The following SCUBE1 variants were observed in gnomAD, a reference collection of about 807,000 sequenced individuals.
SCUBE1 encodes the protein signal peptide, CUB domain and EGF like domain containing 1.
A neutral mutation model predicts 124.4 loss-of-function variants in SCUBE1; 59 were observed. The observed-to-expected ratio is 0.47, with a 90% CI of 0.38 to 0.59. The LOEUF (loss-of-function observed/expected upper bound fraction) is 0.59, where lower values mean the gene tolerates loss of function less well. SCUBE1 is among the 20% of genes least tolerant of loss of function. The pLI is 0.00. For synonymous variants in SCUBE1, 545 were observed against 550.9 expected, an observed-to-expected ratio of 0.99 and a Z score of 0.15; for missense variants, 1,150 against 1,371.2, an observed-to-expected ratio of 0.84 and a Z score of 2.55.
chr22:43,283,988 T>C (rs1925029338), intron 4 of SCUBE1, among the ~76,000 whole-genome samples: 1 of 152,226 alleles, frequency 6.6e-6, no homozygotes, highest in Middle Eastern at 3.4e-3. Context: ...CAGAAATGAG[T>C]GGCAATGGCT....
intron 2 of SCUBE1, among the ~76,000 whole-genome samples, chr22:43,329,225 C>G (rs1256755730): frequency 6.6e-6 from 1 of 152,268 alleles, no homozygotes; most frequent in Non-Finnish European, 1.5e-5. Flanking sequence ...GTGCTCCTGC[C>G]TACAGACTGG....
intron 4 of SCUBE1, among the ~76,000 whole-genome samples, chr22:43,285,550 G>A (rs138856884): frequency 1.3e-5 from 2 of 152,312 alleles, no homozygotes; most frequent in East Asian, 3.9e-4. Flanking sequence ...GACAGAGGTG[G>A]CCACTGGGGC....
intron 3 of SCUBE1, among the ~76,000 whole-genome samples, chr22:43,299,466 A>G (rs1925687144): frequency 6.6e-6 from 1 of 152,070 alleles, no homozygotes; most frequent in Admixed American, 6.6e-5. Flanking sequence ...CTTCTGGCAC[A>G]CTCACCACCC....
intron 21 of SCUBE1, among the ~76,000 whole-genome samples, chr22:43,206,591 C>T (rs1011841900): frequency 2.6e-5 from 4 of 151,968 alleles, no homozygotes; most frequent in African/African-American, 9.7e-5. Context: ...GGGCAGGCCG[C>T]CCAGAGTACG....
intron 4 of SCUBE1, among the ~76,000 whole-genome samples, chr22:43,264,023 G>C (rs1209650006): frequency 6.6e-6 from 1 of 152,220 alleles, no homozygotes; most frequent in Admixed American, 6.5e-5. Context: ...GCCGGCAGGG[G>C]TGGAGGCTGA....
At chr22:43,242,695 G>A (rs1923054514) in intron 6 of SCUBE1, among the ~76,000 whole-genome samples, 2 of 152,350 alleles carry the variant, frequency 1.3e-5, no homozygotes, top group South Asian at 4.1e-4. Context: ...TTGTCCCGGG[G>A]AGCTAAAGAC....
intron 4 of SCUBE1, among the ~76,000 whole-genome samples, chr22:43,263,837 T>C (rs1923963490): frequency 6.6e-6 from 1 of 152,210 alleles, no homozygotes; most frequent in Non-Finnish European, 1.5e-5. Context: ...TCAATCAAAT[T>C]GTTGGAATGA....
chr22:43,222,620 A>G lies in SCUBE1; in HGVS notation c.1432+18T>C, dbSNP rs755505770. On this transcript the variant is annotated intron_variant, in intron 12 of 21. Transcript: ENST00000360835. ...AGTCACCCAGTGGCATGCAGCATGG[A>G]CAGGCCGGGGGGGTTACCTGAGCAG... 3 of 1,466,278 alleles carry G rather than the reference A, an allele frequency of 2.0e-6. No individual in the cohort carries two copies. The highest frequency in any genetic ancestry group is 2.7e-6 in the Non-Finnish European group (3 of 1,113,324). 90.8% of individuals were successfully genotyped at this position (1,466,278 alleles called of 1,614,324 possible).
intron 6 of SCUBE1, among the ~76,000 whole-genome samples, chr22:43,257,757 G>A (rs1408109492): frequency 4.6e-5 from 7 of 152,214 alleles, no homozygotes; most frequent in Non-Finnish European, 2.9e-5. Context: ...TTTTCCAGAC[G>A]GCTGTGGGCA....
At chr22:43,251,944 C>T (rs1166687450) in intron 6 of SCUBE1, among the ~76,000 whole-genome samples, 3 of 152,160 alleles carry the variant, frequency 2.0e-5, no homozygotes, top group African/African-American at 7.2e-5. Context: ...GGTCCCGGGG[C>T]CTGAGGTAAG....
rs150315087 is a variant in SCUBE1 at position 43,281,532 on chromosome 22, T to TCC, written c.484+9512_484+9513dup. On this transcript the variant is annotated intron_variant, in intron 4 of 21. Transcript: ENST00000360835. Reference sequence around the variant, plus strand: ...CCTCCTCAGCCACCCTCCTGTCACCTCCCTCAGTCACCCTCCTGTCACCTC... The same window carrying TCC: ...CCTCCTCAGCCACCCTCCTGTCACCTCCCCCTCAGTCACCCTCCTGTCACCTC... Among the ~76,000 whole-genome samples the TCC allele has an allele frequency of 5.1e-3, 274 of 53,832 alleles. 3 individuals are homozygous for TCC. The highest frequency in any genetic ancestry group is 0.023 in the East Asian group (6 of 260). 35.3% of individuals were successfully genotyped at this position (53,832 alleles called of 152,430 possible).
rs547520117 is a variant in SCUBE1 at position 43,234,569 on chromosome 22, G to C, written c.845-2694C>G. On this transcript the variant is annotated intron_variant, in intron 7 of 21. Coordinates refer to ENST00000360835, the MANE Select transcript of SCUBE1 (RefSeq NM_173050.5). This position sits in a 1 kb window ranked among gnomAD's most constrained non-coding sequence, Gnocchi z 4.4. ...CCGGGCTGGTGTAGCTGGCTGCCTG[G>C]GGGTCAGGATGGAGGGAAGCCCCCT... is the stretch of plus-strand genomic sequence containing the variant. 6.6e-6 allele frequency among the ~76,000 whole-genome samples: 1 copy of C among 152,312 alleles called. No individual in the cohort carries two copies. Among genetic ancestry groups the C allele is most frequent in the African/African-American group, 2.4e-5 (1 of 41,566 alleles).
intron 6 of SCUBE1, among the ~76,000 whole-genome samples, chr22:43,246,534 CA>C (rs1282220309): frequency 1.3e-5 from 2 of 152,236 alleles, no homozygotes; most frequent in Admixed American, 1.3e-4. Context: ...GCAGAGCTAT[CA>C]CCTGCCTGCC....
At chr22:43,254,091 C>A (rs996036217) in intron 6 of SCUBE1, among the ~76,000 whole-genome samples, 1 of 152,248 alleles carries the variant, frequency 6.6e-6, no homozygotes, top group Non-Finnish European at 1.5e-5. Context: ...CAGCTCTTCC[C>A]AGGCCAACCC....
At chr22:43,339,308 G>A in intron 1 of SCUBE1, 73 bp from the exon 2 acceptor site, 1 of 1,469,218 alleles carries the variant, frequency 6.8e-7, no homozygotes. Context: ...GTGTAGGGCA[G>A]GGGGAGCTCT....
chr22:43,277,374 G>T (rs550755033), intron 4 of SCUBE1, among the ~76,000 whole-genome samples: 4 of 152,294 alleles, frequency 2.6e-5, no homozygotes, highest in African/African-American at 9.6e-5. Flanking sequence ...GCTACCAGAA[G>T]GCTTGCGGGG....
Position 43,238,914 on chromosome 22 carries a change from G to A in SCUBE1, c.768C>T (p.Cys256=). The A allele has an allele frequency of 6.2e-7, 1 of 1,613,138 alleles. No homozygotes were observed. The highest frequency in any genetic ancestry group is 8.5e-7 in the Non-Finnish European group (1 of 1,180,002). The stretch of plus-strand genomic sequence containing the variant: ...ATCGCACGCCAGTGGCTGTGTCCTT[G>A]CATGTCCGGTCGCAGCCTCCGTTAT... ...AVNNGGCDRT[C]KDTATGVRCS... The change falls in exon 7 of 22, where the codon TGC becomes TGT. Residue 256 remains cysteine (C), a synonymous_variant. Coordinates refer to ENST00000360835, the MANE Select transcript of SCUBE1 (RefSeq NM_173050.5).
chr22:43,319,416 T>C (rs1926463826), intron 3 of SCUBE1, among the ~76,000 whole-genome samples: 1 of 151,576 alleles, frequency 6.6e-6, no homozygotes, highest in African/African-American at 2.4e-5. Context: ...AATACAAAAA[T>C]TAGCCAGGTG....
At chr22:43,277,860 C>T (rs190658495) in intron 4 of SCUBE1, among the ~76,000 whole-genome samples, 1 of 152,222 alleles carries the variant, frequency 6.6e-6, no homozygotes, top group Non-Finnish European at 1.5e-5. Context: ...GAATGTTTGC[C>T]CCAGGACTTG....
Sources: allele counts gnomAD v4.1 joint callset (sites outside exome capture counted in the v4.1 genomes callset), GRCh38; gene constraint gnomAD v4.1.1; non-coding constraint Gnocchi (gnomAD v3.1); transcripts MANE v1.5; gene names NCBI Gene and HGNC (gene_info 2026-07-23, HGNC 2026-07-21).